Variants in STK32A observed in about 807,000 individuals in gnomAD.
The protein encoded by STK32A is serine/threonine kinase 32A.
A neutral mutation model predicts 53.2 loss-of-function variants in STK32A; 41 were observed. That is an observed-to-expected ratio of 0.77 (90% CI 0.60 to 1.00). The LOEUF is 1.00. Among genes scored for constraint, STK32A ranks in the 50% least tolerant of loss-of-function variants. The pLI is 0.00. For synonymous variants in STK32A, 166 were observed against 162.8 expected (o/e 1.02, Z -0.15); for missense variants, 458 against 485.8 (o/e 0.94, Z 0.54).
intron 5 of STK32A, among the ~76,000 whole-genome samples, chr5:147,333,024 T>C (rs1581105243): frequency 6.6e-6 from 1 of 152,234 alleles, no homozygotes; most frequent in South Asian, 2.1e-4. Context: ...GCTTCGTTAA[T>C]ATGCAACCTG....
At chr5:147,347,127 G>C (rs1436414360) in intron 6 of STK32A, among the ~76,000 whole-genome samples, 2 of 152,194 alleles carry the variant, frequency 1.3e-5, no homozygotes, top group Non-Finnish European at 2.9e-5. Flanking sequence ...GAGTAGCAGA[G>C]ACTTAAAAGT....
At chr5:147,378,752 T>C (rs1287580413) in intron 11 of STK32A, among the ~76,000 whole-genome samples, 1 of 151,726 alleles carries the variant, frequency 6.6e-6, no homozygotes, top group African/African-American at 2.4e-5. Context: ...GCGTCTGTCG[T>C]TGTACCAGTA....
At chr5:147,269,401 AGCC>A in intron 2 of STK32A, among the ~76,000 whole-genome samples, 1 of 152,286 alleles carries the variant, frequency 6.6e-6, no homozygotes, top group South Asian at 2.1e-4. Context: ...TGTCTTGGAA[AGCC>A]TCTACTGCAC....
At position 147,387,236 on chromosome 5, in the gene STK32A, C is replaced by T. The variant is rs929454582; in HGVS notation, c.*3253C>T. ...CAAACCCGGCAACTTATGCCACAAC[C>T]CTAATTCCAGGAAGTCGTCTGCTAA... On this transcript the variant is annotated 3_prime_UTR_variant, in exon 13 of 13. Transcript: ENST00000397936. 1 of 152,260 alleles carries T rather than the reference C, an allele frequency of 6.6e-6. No homozygotes were observed. The highest frequency in any genetic ancestry group is 1.5e-5 in the Non-Finnish European group (1 of 68,062). 9.4% of individuals were successfully genotyped at this position (152,260 alleles called of 1,614,324 possible).
At chr5:147,271,628 G>A (rs867113621) in intron 2 of STK32A, among the ~76,000 whole-genome samples, 28 of 152,274 alleles carry the variant, frequency 1.8e-4, no homozygotes, top group African/African-American at 5.3e-4. Context: ...GAAAGAGAAT[G>A]TGCCCCTGAG....
intron 2 of STK32A, among the ~76,000 whole-genome samples, chr5:147,262,373 A>G (rs1754615092): frequency 6.6e-6 from 1 of 152,150 alleles, no homozygotes; most frequent in African/African-American, 2.4e-5. Context: ...TGATTTTTAA[A>G]AACACTATTA....
At chr5:147,398,082 A>G in the STK32A span, among the ~76,000 whole-genome samples, 1 of 152,188 alleles carries the variant, frequency 6.6e-6, no homozygotes, top group Non-Finnish European at 1.5e-5. Flanking sequence ...CTCAAGTGGA[A>G]GTCAACTTTT....
intron 2 of STK32A, among the ~76,000 whole-genome samples, chr5:147,260,319 T>C (rs1021555414): frequency 3.2e-5 from 4 of 124,312 alleles, no homozygotes; most frequent in African/African-American, 1.4e-4. Context: ...CTCTCTCTCT[T>C]CTCCGTCTCT....
chr5:147,363,039 T>A (rs1447341162), intron 8 of STK32A, among the ~76,000 whole-genome samples: 1 of 151,614 alleles, frequency 6.6e-6, no homozygotes, highest in African/African-American at 2.4e-5. Flanking sequence ...TGAGCCAAGA[T>A]CATGCCACTG....
intron 2 of STK32A, among the ~76,000 whole-genome samples, chr5:147,262,177 C>T (rs906036009): frequency 5.3e-5 from 8 of 152,138 alleles, no homozygotes; most frequent in African/African-American, 1.9e-4. Context: ...CTGGTTCACA[C>T]AGCCAGGAAG....
Position 147,387,191 on chromosome 5 carries a change from G to A in STK32A, c.*3208G>A, listed in dbSNP as rs761168273. 6.6e-6 allele frequency: 1 copy of A among 152,218 alleles called. No homozygotes were observed. The highest frequency in any genetic ancestry group is 2.4e-5 in the African/African-American group (1 of 41,448). 9.4% of individuals were successfully genotyped at this position (152,218 alleles called of 1,614,324 possible). A position where few individuals can be genotyped will look rare whatever the true frequency, so the allele number is the denominator to read the frequency against. On this transcript the variant is annotated 3_prime_UTR_variant, in exon 13 of 13. Coordinates refer to ENST00000397936, the MANE Select transcript of STK32A (RefSeq NM_001112724.2). ...CCTCCAGTACACCCTCAGTGACCTC[G>A]AGTAGATGCGTAGGGCAGTCAAACC...
chr5:147,379,428 AGATG>A (rs1757367547), intron 11 of STK32A, among the ~76,000 whole-genome samples: 3 of 152,050 alleles, frequency 2.0e-5, no homozygotes, highest in Admixed American at 2.0e-4. Context: ...CCTCATTTAT[AGATG>A]GAGTTGGTAT....
intron 4 of STK32A, among the ~76,000 whole-genome samples, chr5:147,314,513 AAAAC>A (rs1395786972): frequency 1.1e-4 from 1 of 9,464 alleles, no homozygotes; most frequent in Non-Finnish European, 3.0e-4. Context: ...AAAACAAAAA[AAAAC>A]AAAAAAAAAC....
At position 147,369,113 on chromosome 5, in the gene STK32A, T is replaced by C. The variant is rs372088134; in HGVS notation, c.661-1541T>C. Among the ~76,000 whole-genome samples the C allele has an allele frequency of 2.0e-5, 3 of 152,268 alleles. No homozygotes were observed. The South Asian group carries it at 6.2e-4, about 32-fold the overall frequency. Reference sequence around the variant, plus strand: ...GCATCTAGCACTCCTTTACTGATATTGAGTTAATGAGTTATTTCTACTATA... The same window carrying C: ...GCATCTAGCACTCCTTTACTGATATCGAGTTAATGAGTTATTTCTACTATA... On this transcript the variant is annotated intron_variant, in intron 8 of 12. Coordinates refer to ENST00000397936, the MANE Select transcript of STK32A (RefSeq NM_001112724.2).
At chr5:147,334,925 C>T (rs143573820) in intron 5 of STK32A, among the ~76,000 whole-genome samples, 38 of 152,294 alleles carry the variant, frequency 2.5e-4, no homozygotes, top group African/African-American at 7.7e-4. Context: ...TACCTGAATA[C>T]GCAGATATTT....
chr5:147,372,269 CTTTTTTTTTTTTTT>C (rs71274369), intron 9 of STK32A, among the ~76,000 whole-genome samples: 20 of 49,352 alleles, frequency 4.1e-4, no homozygotes, highest in African/African-American at 1.5e-3. Context: ...TGGGCTTGGC[CTTTTTTTTTTTTTT>C]TTTTTTTTTT....
chr5:147,272,037 G>A (rs187174170), intron 2 of STK32A, among the ~76,000 whole-genome samples: 209 of 152,172 alleles, frequency 1.4e-3, no homozygotes, highest in African/African-American at 4.3e-3. Flanking sequence ...GGAACCTACC[G>A]ACATGTGATG....
chr5:147,394,195 G>T, the STK32A span: 1 of 1,493,898 alleles, frequency 6.7e-7, no homozygotes, highest in Non-Finnish European at 9.3e-7. Flanking sequence ...GGGCAAGAGA[G>T]AAACTGGGTT....
Position 147,343,060 on chromosome 5 carries a change from T to C in STK32A, c.472+17T>C, listed in dbSNP as rs540676869. 1 of 1,613,112 alleles carries C rather than the reference T, an allele frequency of 6.2e-7. No individual in the cohort carries two copies. The highest frequency in any genetic ancestry group is 1.1e-5 in the South Asian group (1 of 91,068). The stretch of plus-strand genomic sequence containing the variant: ...ACGAACATGGTAAGTGAGTGATTTG[T>C]TTGCAATCAAGTACATGACATGCAT... On this transcript the variant is annotated intron_variant, in intron 6 of 12. Coordinates refer to ENST00000397936, the MANE Select transcript of STK32A (RefSeq NM_001112724.2).
Sources: allele counts gnomAD v4.1 joint callset (sites outside exome capture counted in the v4.1 genomes callset), GRCh38; gene constraint gnomAD v4.1.1; transcripts MANE v1.5; gene names NCBI Gene and HGNC (gene_info 2026-07-23, HGNC 2026-07-21).